Variants in PAM observed in about 807,000 individuals in gnomAD.
PAM encodes peptidylglycine alpha-amidating monooxygenase, also known as peptidyl-glycine alpha-amidating monooxygenase.
A neutral mutation model predicts 122.1 loss-of-function variants in PAM; 72 were observed. The ratio of observed to expected loss-of-function variants is 0.59; its 90% CI spans 0.49 to 0.72. PAM has a LOEUF of 0.72. PAM is among the 30% of genes least tolerant of loss of function. The pLI is 0.00. For synonymous variants in PAM, 389 were observed against 404.4 expected (o/e 0.96, Z 0.46); for missense variants, 1,106 against 1,183.7 (o/e 0.93, Z 0.96).
chr5:102,836,940 C>T (rs889890301), intron 1 of PAM, among the ~76,000 whole-genome samples: 2 of 148,048 alleles, frequency 1.4e-5, no homozygotes, highest in South Asian at 4.2e-4. Flanking sequence ...GAAAGCTGCT[C>T]ACCTCACAGG....
intron 1 of PAM, among the ~76,000 whole-genome samples, chr5:102,798,669 T>G (rs1192870722): frequency 6.6e-6 from 1 of 152,192 alleles, no homozygotes; most frequent in Non-Finnish European, 1.5e-5. Flanking sequence ...GTATTATTGC[T>G]CTTGCCTATG....
chr5:102,803,233 G>A (rs1316076186), intron 1 of PAM, among the ~76,000 whole-genome samples: 1 of 147,034 alleles, frequency 6.8e-6, no homozygotes, highest in African/African-American at 2.5e-5. Context: ...AAGGAAGGAA[G>A]GGAAAAGTAA....
chr5:102,958,518 G>C (rs551423826), intron 12 of PAM, among the ~76,000 whole-genome samples: 1 of 152,060 alleles, frequency 6.6e-6, no homozygotes, highest in Non-Finnish European at 1.5e-5. Flanking sequence ...TCTTAGGAAT[G>C]GTGTTTTGAC....
At chr5:103,011,328 G>A (rs1780535708) in intron 21 of PAM, among the ~76,000 whole-genome samples, 1 of 150,548 alleles carries the variant, frequency 6.6e-6, no homozygotes, top group South Asian at 2.1e-4. Context: ...ATTAACCACC[G>A]CCACCTAACC....
intron 16 of PAM, among the ~76,000 whole-genome samples, chr5:102,995,081 C>G (rs1775277725): frequency 6.6e-6 from 1 of 152,042 alleles, no homozygotes; most frequent in African/African-American, 2.4e-5. Context: ...AAAATCAGTT[C>G]AAGATTTGCT....
chr5:102,825,902 T>C (rs1221480268), intron 1 of PAM, among the ~76,000 whole-genome samples: 1 of 152,116 alleles, frequency 6.6e-6, no homozygotes, highest in African/African-American at 2.4e-5. Context: ...TTATGAGAAA[T>C]AAATGAGATT....
chr5:102,883,202 T>C (rs2400872), intron 3 of PAM, among the ~76,000 whole-genome samples: 18,002 of 151,678 alleles, frequency 0.12, 2,535 homozygotes, highest in African/African-American at 0.33. Flanking sequence ...GCTATGTGGG[T>C]TCTTTTTTGG....
intron 2 of PAM, among the ~76,000 whole-genome samples, chr5:102,867,032 A>G (rs2150959164): frequency 6.6e-6 from 1 of 152,338 alleles, no homozygotes; most frequent in South Asian, 2.1e-4. Context: ...GGAGTTTTAA[A>G]TGTAGCCTGG....
At chr5:102,996,993 A>G (rs1775889556) in intron 16 of PAM, among the ~76,000 whole-genome samples, 2 of 152,186 alleles carry the variant, frequency 1.3e-5, no homozygotes, top group South Asian at 4.1e-4. Context: ...TCTAATCAGT[A>G]AATTCTAGAA....
chr5:102,908,498 A>G (rs894560957), intron 4 of PAM, among the ~76,000 whole-genome samples: 3 of 147,698 alleles, frequency 2.0e-5, no homozygotes, highest in Non-Finnish European at 4.5e-5. Context: ...ATTCTCATTC[A>G]TAGGTGGGAA....
At chr5:102,921,644 C>T (rs1289072360) in intron 5 of PAM, among the ~76,000 whole-genome samples, 1 of 152,052 alleles carries the variant, frequency 6.6e-6, no homozygotes, top group East Asian at 1.9e-4. Flanking sequence ...ATTTACCAGA[C>T]CTGATAAGAG....
chr5:102,853,562 C>T (rs144416564), intron 1 of PAM, among the ~76,000 whole-genome samples: 1,779 of 152,272 alleles, frequency 0.012, 45 homozygotes, highest in African/African-American at 0.04. Context: ...ACACTAATAA[C>T]AACTTGTGAT....
At position 102,913,934 on chromosome 5, in the gene PAM, T is replaced by C; in HGVS notation, c.269T>C (p.Ile90Thr). The C allele has an allele frequency of 1.3e-6, 2 of 1,583,804 alleles. No individual in the cohort carries two copies. The highest frequency in any genetic ancestry group is 1.7e-6 in the Non-Finnish European group (2 of 1,152,828). Residue 90 changes from isoleucine (I) to threonine (T), a missense_variant and splice_region_variant, in exon 5 of 26, where the codon ATT becomes ACT. By Grantham distance (89) the Ile-to-Thr change is moderately conservative. Around this residue, in one of 3 missense-constraint regions of PAM, gnomAD observed 670 missense variants for 690.3 expected, o/e 0.97. Coordinates refer to ENST00000438793, the MANE Select transcript of PAM (RefSeq NM_001177306.2). Reference protein sequence around the residue: ...RIPVDEEAFVIDFKPRASMDT... With the variant: ...RIPVDEEAFVTDFKPRASMDT... ...TACATGTATTATTTTCTCGTAACAG[T>C]TGACTTCAAGCCTCGAGCCAGCATG... is the stretch of plus-strand genomic sequence containing the variant.
chr5:102,949,735 G>A, intron 10 of PAM, 118 bp downstream of exon 10: 1 of 721,680 alleles, frequency 1.4e-6, no homozygotes, highest in Non-Finnish European at 2.5e-6. Context: ...TTTCATATAA[G>A]ACCTTGAAAT....
At chr5:103,007,427 G>T in intron 19 of PAM, 30 bp from the exon 20 acceptor site, 1 of 1,588,226 alleles carries the variant, frequency 6.3e-7, no homozygotes, top group Non-Finnish European at 8.6e-7. Flanking sequence ...TTTTAACATT[G>T]TGTATCTAAG....
chr5:102,823,339 C>T (rs569759851), intron 1 of PAM, among the ~76,000 whole-genome samples: 1 of 152,182 alleles, frequency 6.6e-6, no homozygotes, highest in South Asian at 2.1e-4. Flanking sequence ...CTATAAAAAT[C>T]TTGCTAAATT....
chr5:102,918,236 CAATT>C (rs932050065), intron 5 of PAM, among the ~76,000 whole-genome samples: 5 of 152,226 alleles, frequency 3.3e-5, no homozygotes, highest in African/African-American at 9.6e-5. Flanking sequence ...AGGAGGAAAA[CAATT>C]AACCCTATCT....
chr5:102,796,770 T>C (rs995070109), intron 1 of PAM, among the ~76,000 whole-genome samples: 3 of 152,216 alleles, frequency 2.0e-5, no homozygotes, highest in Non-Finnish European at 4.4e-5. Context: ...TGTGTAACTA[T>C]GAGCAAGCTG....
At chr5:102,842,295 C>A (rs181229420) in intron 1 of PAM, among the ~76,000 whole-genome samples, 8 of 151,976 alleles carry the variant, frequency 5.3e-5, no homozygotes, top group Non-Finnish European at 8.8e-5. Flanking sequence ...TATGTCCCCA[C>A]CCAAATTTCA....
Sources: allele counts gnomAD v4.1 joint callset (sites outside exome capture counted in the v4.1 genomes callset), GRCh38; gene constraint gnomAD v4.1.1; regional missense constraint gnomAD v4.1.1; transcripts MANE v1.5; gene names NCBI Gene and HGNC (gene_info 2026-07-23, HGNC 2026-07-21).